Variants in CASR observed in about 807,000 individuals in gnomAD.
The protein encoded by CASR is extracellular calcium-sensing receptor.
Under a neutral mutation model 69.1 loss-of-function variants are expected in CASR, and 23 were observed. The observed-to-expected ratio is 0.33, with a 90% CI of 0.24 to 0.47. The LOEUF is 0.47. Ranked by LOEUF, CASR falls within the 20% of genes least tolerant of loss-of-function variation. The pLI is 1.00. For missense variants in CASR, 924 were observed against 1,356.1 expected, an observed-to-expected ratio of 0.68 and a Z score of 5.00; for synonymous variants, 541 against 544.7, an observed-to-expected ratio of 0.99 and a Z score of 0.10.
intron 1 of CASR, among the ~76,000 whole-genome samples, chr3:122,204,369 T>C (rs777889624): frequency 7.9e-5 from 12 of 152,216 alleles, no homozygotes; most frequent in Non-Finnish European, 1.2e-4. Context: ...CTTACTATAA[T>C]GATCTCTAGT....
chr3:122,256,963 G>A (rs1226420166), intron 2 of CASR, 118 bp from the exon 3 acceptor site: 6 of 850,592 alleles, frequency 7.1e-6, no homozygotes, highest in Non-Finnish European at 2.0e-6. Context: ...TACAGAGCAT[G>A]CCATGAAGCC....
intron 1 of CASR, among the ~76,000 whole-genome samples, chr3:122,237,222 GC>G (rs2074337231): frequency 6.7e-6 from 1 of 149,908 alleles, no homozygotes; most frequent in Non-Finnish European, 1.5e-5. Flanking sequence ...CGATTCTTCT[GC>G]CTCAGCCTCC....
chr3:122,242,685 A>G (rs945525532), intron 1 of CASR, among the ~76,000 whole-genome samples: 2 of 152,204 alleles, frequency 1.3e-5, no homozygotes, highest in Non-Finnish European at 2.9e-5. Context: ...CCTAAAATTT[A>G]TATGGAACCA....
Position 122,252,459 on chromosome 3 carries a change from G to GAAAGAAAGAAAGAAAAAAAAGAA in CASR, c.-242-1482_-242-1481insGAAAGAAAAAAAAGAAAAAGAAA, listed in dbSNP as rs1559954451. ...AAAGAAAGAAAGAAAAAAAAGAAAA[G>GAAAGAAAGAAAGAAAAAAAAGAA]AAAGAAAAGAAAAGAAGGGAGGGAG... On this transcript the variant is annotated intron_variant, in intron 1 of 6. Coordinates refer to ENST00000639785, the MANE Select transcript of CASR (RefSeq NM_000388.4). Among the ~76,000 whole-genome samples the GAAAGAAAGAAAGAAAAAAAAGAA allele has an allele frequency of 2.3e-3, 146 of 62,250 alleles. 2 individuals are homozygous for GAAAGAAAGAAAGAAAAAAAAGAA. Among genetic ancestry groups the GAAAGAAAGAAAGAAAAAAAAGAA allele is most frequent in the African/African-American group, 4.2e-3 (62 of 14,740 alleles). 40.8% of individuals were successfully genotyped at this position (62,250 alleles called of 152,430 possible). A position where few individuals can be genotyped will look rare whatever the true frequency, so the allele number is the denominator to read the frequency against.
Position 122,285,739 on chromosome 3 carries a change from T to G in CASR, c.*548T>G, listed in dbSNP as rs201508202. ...GCTATTATGTAACATCCAGAAGGTT[T>G]GCACCCCTCCTATACCATATGTCTG... On this transcript the variant is annotated 3_prime_UTR_variant, in exon 7 of 7. Transcript: ENST00000639785. 1 of 173,652 alleles carries G rather than the reference T, an allele frequency of 5.8e-6. No individual in the cohort carries two copies. The highest frequency in any genetic ancestry group is 2.4e-5 in the African/African-American group (1 of 41,796). 10.8% of individuals were successfully genotyped at this position (173,652 alleles called of 1,614,324 possible).
In CASR at chr3:122,285,465, T is replaced by C. The variant is rs2074959129; in HGVS notation, c.*274T>C. 2.3e-6 allele frequency: 1 copy of C among 438,388 alleles called. No individual in the cohort carries two copies. The highest frequency in any genetic ancestry group is 3.5e-5 in the Admixed American group (1 of 28,880). 27.2% of individuals were successfully genotyped at this position (438,388 alleles called of 1,614,324 possible). A position where few individuals can be genotyped will look rare whatever the true frequency, so the allele number is the denominator to read the frequency against. The stretch of plus-strand genomic sequence containing the variant: ...TTGCTGTTCACCCACATCTAATGTC[T>C]CTTCCTCTGTTCTATCCCACCCAAC... On this transcript the variant is annotated 3_prime_UTR_variant, in exon 7 of 7. Coordinates refer to ENST00000639785, the MANE Select transcript of CASR (RefSeq NM_000388.4).
chr3:122,227,509 G>A (rs191124358), intron 1 of CASR, among the ~76,000 whole-genome samples: 20 of 152,316 alleles, frequency 1.3e-4, no homozygotes, highest in Non-Finnish European at 1.9e-4. Flanking sequence ...CAGAACTTGT[G>A]CTGGCCCGCA....
At chr3:122,272,091 GCA>G (rs35249463) in intron 4 of CASR, among the ~76,000 whole-genome samples, 11,777 of 148,702 alleles carry the variant, frequency 0.079, 1,027 homozygotes, top group African/African-American at 0.22. Context: ...TCCTAGGAAT[GCA>G]CACACACACA....
chr3:122,212,273 C>A (rs1242936313), intron 1 of CASR, among the ~76,000 whole-genome samples: 2 of 152,106 alleles, frequency 1.3e-5, no homozygotes, highest in African/African-American at 2.4e-5. Flanking sequence ...ATGGATGGAG[C>A]TGGAAGCCAT....
intron 1 of CASR, among the ~76,000 whole-genome samples, chr3:122,190,567 G>A (rs2073830448): frequency 6.6e-6 from 1 of 152,090 alleles, no homozygotes; most frequent in Non-Finnish European, 1.5e-5. Context: ...TACCTCTTTG[G>A]TTGTTAAAAG....
At chr3:122,196,589 G>A (rs147674297) in intron 1 of CASR, among the ~76,000 whole-genome samples, 1,960 of 152,132 alleles carry the variant, frequency 0.013, 42 homozygotes, top group African/African-American at 0.045. Context: ...CCAGGCTGGA[G>A]TGCGGTGGTG....
chr3:122,235,674 A>G (rs2074322799), intron 1 of CASR, among the ~76,000 whole-genome samples: 1 of 152,122 alleles, frequency 6.6e-6, no homozygotes, highest in African/African-American at 2.4e-5. Context: ...GCATGTTCCT[A>G]TAGTTTTAGT....
intron 1 of CASR, among the ~76,000 whole-genome samples, chr3:122,222,016 A>T (rs560457911): frequency 6.6e-6 from 1 of 152,364 alleles, no homozygotes; most frequent in South Asian, 2.1e-4. Context: ...CTGCCCTAGC[A>T]TATTGACTAT....
In CASR at chr3:122,263,454, A is replaced by C. The variant is rs562411179; in HGVS notation, c.1377+1042A>C. 3.3e-5 allele frequency among the ~76,000 whole-genome samples: 5 copies of C among 152,374 alleles called. No homozygotes were observed. In the South Asian group the frequency reaches 1.0e-3, roughly 32 times the overall value. Reference sequence around the variant, plus strand: ...GCAATTTGTAAACTTTCAAGCTCTAAACAGATGTGTGATTATTATAGTAGG... The same window carrying C: ...GCAATTTGTAAACTTTCAAGCTCTACACAGATGTGTGATTATTATAGTAGG... On this transcript the variant is annotated intron_variant, in intron 4 of 6. Transcript: ENST00000639785.
At position 122,284,441 on chromosome 3, in the gene CASR, TG is replaced by T; in HGVS notation, c.2489del (p.Gly830AlafsTer7). On this transcript the variant is annotated frameshift_variant, in exon 7 of 7. Coordinates refer to ENST00000639785, the MANE Select transcript of CASR (RefSeq NM_000388.4). LOFTEE classifies it high-confidence loss of function. ...SFIPAYASTYGKFVSAVEVIA... is the reference protein window; with the variant it reads ...SFIPAYASTYXKFVSAVEVIA... The stretch of plus-strand genomic sequence containing the variant: ...TCATTCCAGCCTATGCCAGCACCTA[TG>T]GCAAGTTTGTCTCTGCCGTAGAGGT... The T allele has an allele frequency of 6.2e-7, 1 of 1,613,862 alleles. No individual in the cohort carries two copies. Among genetic ancestry groups the T allele is most frequent in the Non-Finnish European group, 8.5e-7 (1 of 1,180,026 alleles).
At chr3:122,211,347 A>G (rs2074063544) in intron 1 of CASR, among the ~76,000 whole-genome samples, 1 of 152,228 alleles carries the variant, frequency 6.6e-6, no homozygotes, top group Non-Finnish European at 1.5e-5. Context: ...CATCTGACAA[A>G]GGCCTGATAT....
intron 5 of CASR, 96 bp downstream of exon 5, chr3:122,276,138 A>G: frequency 2.5e-6 from 2 of 801,256 alleles, no homozygotes; most frequent in Non-Finnish European, 4.4e-6. Context: ...CTGGACTTCC[A>G]AAATAAAGAG....
At chr3:122,194,919 A>G (rs772836122) in intron 1 of CASR, among the ~76,000 whole-genome samples, 1 of 151,828 alleles carries the variant, frequency 6.6e-6, no homozygotes, top group African/African-American at 2.4e-5. Context: ...TGGTCCGTAC[A>G]CTTTAGTTAT....
At chr3:122,264,541 A>C (rs1559960898) in intron 4 of CASR, among the ~76,000 whole-genome samples, 2 of 152,238 alleles carry the variant, frequency 1.3e-5, no homozygotes, top group Non-Finnish European at 2.9e-5. Flanking sequence ...GCCAACATTC[A>C]AAATGTCCAC....
Sources: gnomAD v4.1 joint callset for allele counts (sites outside exome capture counted in the v4.1 genomes callset) on GRCh38, gnomAD v4.1.1 for gene constraint, MANE v1.5 for transcripts, NCBI Gene and HGNC (gene_info 2026-07-23, HGNC 2026-07-21) for gene names.